NEGR1: variants seen among roughly 807,000 people sequenced by gnomAD.
NEGR1 encodes neuronal growth regulator 1, also known as IgLON family member 4.
NEGR1 carries 10 observed loss-of-function variants against 40.9 expected under a neutral mutation model. The observed-to-expected ratio is 0.24, with a 90% CI of 0.15 to 0.42. NEGR1 has a LOEUF of 0.42. NEGR1 is among the 10% of genes least tolerant of loss of function. The probability of loss-of-function intolerance (pLI) is 1.00; values close to 1 mark genes in which losing one functional copy is unlikely to be tolerated. For missense variants in NEGR1, 352 were observed against 438.9 expected, an observed-to-expected ratio of 0.80 and a Z score of 1.77; for synonymous variants, 185 against 166.8, an observed-to-expected ratio of 1.11 and a Z score of -0.84.
chr1:71,509,076 T>A (rs1647055577), intron 6 of NEGR1, among the ~76,000 whole-genome samples: 1 of 152,100 alleles, frequency 6.6e-6, no homozygotes, highest in Non-Finnish European at 1.5e-5. Context: ...ACCTTAGAAA[T>A]TGAGACAGGG....
intron 1 of NEGR1, among the ~76,000 whole-genome samples, chr1:72,079,363 C>T (rs913246057): frequency 6.6e-6 from 1 of 151,838 alleles, no homozygotes; most frequent in African/African-American, 2.4e-5. Context: ...CCAGTGGGAA[C>T]AGAAATATAA....
chr1:72,246,853 T>G (rs1654919842), intron 1 of NEGR1, among the ~76,000 whole-genome samples: 1 of 152,250 alleles, frequency 6.6e-6, no homozygotes, highest in Non-Finnish European at 1.5e-5. Context: ...CAAACAGGCT[T>G]TCTCATATAT....
intron 1 of NEGR1, among the ~76,000 whole-genome samples, chr1:71,976,531 T>G (rs188850739): frequency 6.6e-6 from 1 of 152,232 alleles, no homozygotes; most frequent in Non-Finnish European, 1.5e-5. Flanking sequence ...TGAGGGAGAC[T>G]GGCTCCCGGC....
At chr1:71,898,964 CAT>C (rs56183950) in intron 2 of NEGR1, among the ~76,000 whole-genome samples, 1,615 of 95,706 alleles carry the variant, frequency 0.017, 65 homozygotes, top group African/African-American at 0.077. Context: ...ATATATATAG[CAT>C]ATATATATAT....
rs375113569 is a variant in NEGR1, at chr1:72,171,998, A to G, written c.176+110321T>C. Among the ~76,000 whole-genome samples, 7 of 152,250 alleles carry G rather than the reference A, an allele frequency of 4.6e-5. No individual in the cohort carries two copies. In the South Asian group the frequency reaches 6.2e-4, roughly 14 times the overall value. ...AAGTCAACTGGAGACCTTCCTTGTC[A>G]GGCCATTAATTTTAAAGTAAAGTTG... On this transcript the variant is annotated intron_variant, in intron 1 of 6. Coordinates refer to ENST00000357731, the MANE Select transcript of NEGR1 (RefSeq NM_173808.3).
At chr1:72,202,297 CACA>C (rs1255292506) in intron 1 of NEGR1, among the ~76,000 whole-genome samples, 2 of 151,858 alleles carry the variant, frequency 1.3e-5, no homozygotes, top group African/African-American at 4.8e-5. Context: ...CTCCCTGAGA[CACA>C]ACAATATTAA....
chr1:71,689,883 A>T (rs1382215701), intron 4 of NEGR1, among the ~76,000 whole-genome samples: 2 of 151,810 alleles, frequency 1.3e-5, no homozygotes, highest in African/African-American at 4.8e-5. Flanking sequence ...AATAACAGTA[A>T]ATATCATTAA....
intron 6 of NEGR1, among the ~76,000 whole-genome samples, chr1:71,465,213 C>T (rs1323160759): frequency 6.6e-6 from 1 of 152,002 alleles, no homozygotes; most frequent in African/African-American, 2.4e-5. Flanking sequence ...GAGATAAAAA[C>T]AGCAGAGTCA....
At chr1:71,926,045 A>T (rs1645769418) in intron 2 of NEGR1, among the ~76,000 whole-genome samples, 1 of 152,174 alleles carries the variant, frequency 6.6e-6, no homozygotes, top group Admixed American at 6.5e-5. Flanking sequence ...TACTACCAAG[A>T]ACATGAAAAT....
chr1:72,196,293 G>GA (rs904079162), intron 1 of NEGR1, among the ~76,000 whole-genome samples: 3 of 151,946 alleles, frequency 2.0e-5, no homozygotes, highest in Non-Finnish European at 2.9e-5. Flanking sequence ...TTCAAAATCT[G>GA]AAAAAACTCT....
chr1:71,551,618 G>A (rs976171492), intron 6 of NEGR1, among the ~76,000 whole-genome samples: 3 of 151,552 alleles, frequency 2.0e-5, no homozygotes, highest in East Asian at 2.0e-4. Flanking sequence ...ATATTTGTTA[G>A]TTTTCCCTTT....
At chr1:71,730,427 G>A (rs1356958121) in intron 3 of NEGR1, among the ~76,000 whole-genome samples, 1 of 151,422 alleles carries the variant, frequency 6.6e-6, no homozygotes, top group East Asian at 1.9e-4. Context: ...AACTTAATAG[G>A]ACTTCTGGCT....
chr1:71,776,115 T>C, intron 3 of NEGR1, 57 bp downstream of exon 3: 3 of 1,357,396 alleles, frequency 2.2e-6, no homozygotes, highest in Non-Finnish European at 2.0e-6. Flanking sequence ...GTGAGGTTAG[T>C]GAGGTTACAG....
chr1:71,452,918 T>C (rs1484778495), intron 6 of NEGR1, among the ~76,000 whole-genome samples: 1 of 152,084 alleles, frequency 6.6e-6, no homozygotes, highest in African/African-American at 2.4e-5. Context: ...TTCAGTAGCA[T>C]AAACACAGAA....
intron 1 of NEGR1, among the ~76,000 whole-genome samples, chr1:72,262,745 ATT>A (rs1357784850): frequency 6.6e-6 from 1 of 151,968 alleles, no homozygotes; most frequent in African/African-American, 2.4e-5. Context: ...ATTTGAAGAT[ATT>A]TGTCTTCTAA....
intron 6 of NEGR1, among the ~76,000 whole-genome samples, chr1:71,490,729 CT>C (rs1557544100): frequency 6.6e-6 from 1 of 151,926 alleles, no homozygotes; most frequent in Non-Finnish European, 1.5e-5. Flanking sequence ...GAAAAAATTG[CT>C]TATCTTCCTT....
At chr1:71,870,428 G>A (rs17091871) in intron 2 of NEGR1, among the ~76,000 whole-genome samples, 1 of 151,964 alleles carries the variant, frequency 6.6e-6, no homozygotes, top group Non-Finnish European at 1.5e-5. Context: ...CCTGGATATT[G>A]ATGAAGTAAC....
chr1:72,016,471 A>G (rs749122224), intron 1 of NEGR1, among the ~76,000 whole-genome samples: 1 of 152,172 alleles, frequency 6.6e-6, no homozygotes, highest in African/African-American at 2.4e-5. Context: ...GCCTCACAAC[A>G]TTAAAAGGAC....
intron 1 of NEGR1, among the ~76,000 whole-genome samples, chr1:72,150,792 CA>C (rs1032853579): frequency 5.3e-5 from 8 of 151,746 alleles, no homozygotes; most frequent in African/African-American, 1.9e-4. Flanking sequence ...TTTACAAAGC[CA>C]AAAAATGGTA....
Sources: gnomAD v4.1 joint callset for allele counts (sites outside exome capture counted in the v4.1 genomes callset) on GRCh38, gnomAD v4.1.1 for gene constraint, MANE v1.5 for transcripts, NCBI Gene and HGNC (gene_info 2026-07-23, HGNC 2026-07-21) for gene names.